The following NPAT variants were observed in gnomAD, a reference collection of about 807,000 sequenced individuals.
The protein encoded by NPAT is nuclear protein, coactivator of histone transcription.
Under a neutral mutation model 130.7 loss-of-function variants are expected in NPAT, and 52 were observed. That is an observed-to-expected ratio of 0.40 (90% CI 0.32 to 0.50). The LOEUF is 0.50. Among genes scored for constraint, NPAT ranks in the 20% least tolerant of loss-of-function variants. The pLI is 0.68. For synonymous variants in NPAT, 580 were observed against 584.8 expected (o/e 0.99, Z 0.12); for missense variants, 1,687 against 1,662.6 (o/e 1.01, Z -0.26).
At chr11:108,188,753 T>G (rs2134861817) in intron 6 of NPAT, among the ~76,000 whole-genome samples, 1 of 152,318 alleles carries the variant, frequency 6.6e-6, no homozygotes, top group South Asian at 2.1e-4. Context: ...AGAAAGGCAT[T>G]CCTCATTCCA....
Position 108,190,541 on chromosome 11 carries a change from T to G in NPAT, c.291-41A>C, listed in dbSNP as rs577082375. ...AAGTAGTTATCCATCAAAAAATGTT[T>G]GTTGCTGACATCCACTATGATTTAG... On this transcript the variant is annotated intron_variant, in intron 4 of 17. Coordinates refer to ENST00000278612, the MANE Select transcript of NPAT (RefSeq NM_002519.3). 183 of 1,566,508 alleles carry G rather than the reference T, an allele frequency of 1.2e-4. 3 individuals carry two copies. The South Asian group carries it at 2.0e-3, about 17-fold the overall frequency.
chr11:108,181,291 C>T (rs61144945), intron 10 of NPAT, among the ~76,000 whole-genome samples: 1,965 of 152,270 alleles, frequency 0.013, 53 homozygotes, highest in African/African-American at 0.044. Context: ...TGGCAAAACC[C>T]TGTCTCTACT....
chr11:108,167,496 A>G (rs1446035681), intron 15 of NPAT, among the ~76,000 whole-genome samples: 2 of 152,200 alleles, frequency 1.3e-5, no homozygotes, highest in African/African-American at 4.8e-5. Flanking sequence ...TATGGGGATG[A>G]GCCACCATGC....
At chr11:108,179,839 T>A (rs1194621792) in intron 10 of NPAT, among the ~76,000 whole-genome samples, 1 of 151,978 alleles carries the variant, frequency 6.6e-6, no homozygotes, top group Non-Finnish European at 1.5e-5. Flanking sequence ...GGGAAAAGCT[T>A]CATGAGGTTA....
intron 1 of NPAT, among the ~76,000 whole-genome samples, chr11:108,208,238 A>G (rs2078348017): frequency 6.6e-6 from 1 of 151,942 alleles, no homozygotes; most frequent in African/African-American, 2.4e-5. Flanking sequence ...GGGATACTCA[A>G]CCTGTCTCAA....
At chr11:108,192,747 A>T (rs2078182604) in intron 3 of NPAT, among the ~76,000 whole-genome samples, 1 of 152,124 alleles carries the variant, frequency 6.6e-6, no homozygotes, top group Non-Finnish European at 1.5e-5. Flanking sequence ...TGAGGTCAGG[A>T]GTTTGAGACC....
rs774948664 is a variant in NPAT, at chr11:108,189,251, C to T, written c.411G>A (p.Leu137=). 1.9e-6 allele frequency: 3 copies of T among 1,614,144 alleles called. No homozygotes were observed. The South Asian group carries it at 3.3e-5, about 18-fold the overall frequency. Residue 137 remains leucine (L), a synonymous_variant, in exon 6 of 18, where the codon TTG becomes TTA. Coordinates refer to ENST00000278612, the MANE Select transcript of NPAT (RefSeq NM_002519.3). ...GTCCTGAAAGGTAAGGTAAAGTGAG[C>T]AACTCTGCACTGGCTGGAGCTGTTT... is the stretch of plus-strand genomic sequence containing the variant. ...ASQTAPASAE[L]LTLPYLSGQF...
chr11:108,185,011 T>C (rs865871470), intron 10 of NPAT, among the ~76,000 whole-genome samples: 2 of 152,248 alleles, frequency 1.3e-5, no homozygotes, highest in African/African-American at 4.8e-5. Context: ...GGATGCAATA[T>C]AGATTCTATT....
At chr11:108,217,602 G>C (rs1398462855) in intron 1 of NPAT, among the ~76,000 whole-genome samples, 1 of 152,098 alleles carries the variant, frequency 6.6e-6, no homozygotes. Context: ...TCATCATTAA[G>C]TATCTGACTA....
chr11:108,173,808 A>G lies in NPAT; in HGVS notation c.1176T>C (p.Asn392=). Residue 392 remains asparagine, a synonymous_variant, in exon 13 of 18, where the codon AAT becomes AAC. Transcript: ENST00000278612. ...GQPAFCTSYQ[N]DDPLNALKNS... ...TCTTCAAAGCATTTAATGGGTCATC[A>G]TTCTGATAGGATGTACAAAAAGCGG... 4 of 1,614,152 alleles carry G rather than the reference A, an allele frequency of 2.5e-6. No homozygotes were observed. Among genetic ancestry groups the G allele is most frequent in the Non-Finnish European group, 3.4e-6 (4 of 1,180,026 alleles).
In NPAT at chr11:108,163,863, G is replaced by A. The variant is rs965971983; in HGVS notation, c.3011-1683C>T. 2.0e-5 allele frequency among the ~76,000 whole-genome samples: 3 copies of A among 152,184 alleles called. No individual in the cohort carries two copies. The East Asian group carries it at 5.8e-4, about 29-fold the overall frequency. On this transcript the variant is annotated intron_variant, in intron 15 of 17. Coordinates refer to ENST00000278612, the MANE Select transcript of NPAT (RefSeq NM_002519.3). ...GATGCATGAGAAAAGACAGTAATTT[G>A]AATGAAGAAATGGAAGATTAAGAGA...
intron 10 of NPAT, among the ~76,000 whole-genome samples, chr11:108,183,529 A>G (rs1023986527): frequency 6.6e-6 from 1 of 152,146 alleles, no homozygotes; most frequent in African/African-American, 2.4e-5. Context: ...GGGTCAGGTG[A>G]GATAGCTCAT....
In NPAT at chr11:108,158,605, C is replaced by A. The variant is rs572461582; in HGVS notation, c.*337G>T. On this transcript the variant is annotated 3_prime_UTR_variant, in exon 18 of 18. Transcript: ENST00000278612. Reference sequence around the variant, plus strand: ...CTCAGAATTAGGGATCATAAGAAGTCAAAAAACACAGTGTAAGAACATTAG... The same window carrying A: ...CTCAGAATTAGGGATCATAAGAAGTAAAAAAACACAGTGTAAGAACATTAG... The A allele has an allele frequency of 1.8e-4, 34 of 186,922 alleles. No individual in the cohort carries two copies. The highest frequency in any genetic ancestry group is 7.4e-4 in the African/African-American group (31 of 41,962). The allele number at this position is 186,922 out of a possible 1,614,324, so 11.6% of individuals were successfully genotyped here.
rs1272385584 is a variant in NPAT at position 108,173,323 on chromosome 11, G to A, written c.1661C>T (p.Ser554Phe). Residue 554 changes from serine to phenylalanine, a missense_variant, in exon 13 of 18, where the codon TCT (serine) becomes TTT (phenylalanine). Physicochemically the swap from Ser to Phe is radical, Grantham distance 155 (BLOSUM62 -2). Coordinates refer to ENST00000278612, the MANE Select transcript of NPAT (RefSeq NM_002519.3). The stretch of plus-strand genomic sequence containing the variant: ...AATTTTAAGTTTTACTGTATCATTA[G>A]AATTTTCACAAAATTGACTTTTTTT... ...PSKKSQFCENSNDTVKLKINF... is the reference protein window; with the variant it reads ...PSKKSQFCENFNDTVKLKINF... 1.2e-6 allele frequency: 2 copies of A among 1,612,472 alleles called. No homozygotes were observed. The highest frequency in any genetic ancestry group is 1.1e-5 in the South Asian group (1 of 91,008).
At chr11:108,197,250 T>A in intron 2 of NPAT, 52 bp downstream of exon 2, 1 of 1,226,750 alleles carries the variant, frequency 8.2e-7, no homozygotes. Flanking sequence ...ATGACTATGT[T>A]TTTAGTCTCT....
Position 108,173,380 on chromosome 11 carries a change from G to A in NPAT, c.1604C>T (p.Ser535Phe). ...ILSGKSSQLL[S>F]QDTSLTGKPS... ...CTTTCCAGTTAATGAAGTATCTTGG[G>A]ATAAAAGTTGAGAACTCTTCCCAGA... Residue 535 changes from serine to phenylalanine, a missense_variant, in exon 13 of 18, where the codon TCC (serine) becomes TTC (phenylalanine). This residue lies in a region of NPAT where 1,379 missense variants were observed against 1,346.6 expected (regional missense o/e 1.02). Coordinates refer to ENST00000278612, the MANE Select transcript of NPAT (RefSeq NM_002519.3). 1 of 1,613,780 alleles carries A rather than the reference G, an allele frequency of 6.2e-7. No individual in the cohort carries two copies. The highest frequency in any genetic ancestry group is 1.3e-5 in the African/African-American group (1 of 75,022).
chr11:108,160,755 T>C (rs1399205159), intron 17 of NPAT, 125 bp downstream of exon 17: 7 of 847,896 alleles, frequency 8.3e-6, no homozygotes, highest in Non-Finnish European at 1.1e-5. Flanking sequence ...ATTTTGTCAA[T>C]GAAAACTAAA....
Position 108,157,233 on chromosome 11 carries a change from T to C in NPAT, c.*1709A>G, listed in dbSNP as rs545538016. 1.5e-4 allele frequency: 23 copies of C among 152,130 alleles called. 1 individual carries two copies. In the South Asian group the frequency reaches 4.8e-3, roughly 32 times the overall value. 9.4% of individuals were successfully genotyped at this position (152,130 alleles called of 1,614,324 possible). A position where few individuals can be genotyped will look rare whatever the true frequency, so the allele number is the denominator to read the frequency against. ...TCTTGAAGAAAGTAAACTTATTTTA[T>C]TTGTATATGAATTTTCAGTGCTTAG... On this transcript the variant is annotated 3_prime_UTR_variant, in exon 18 of 18. Transcript: ENST00000278612.
rs759651917 is a variant in NPAT, at chr11:108,172,962, G to A, written c.2022C>T (p.Leu674=). ...CACAGTTAGCATTTCCACCTAAAGAGAGAAAAATAGTATTCTCTTCTTTTA... is the reference window on the plus strand; with the variant it reads ...CACAGTTAGCATTTCCACCTAAAGAAAGAAAAATAGTATTCTCTTCTTTTA... ...SSVKEENTIF[L]SLGGNANCEK... is the part of the protein sequence containing the mutation. Residue 674 remains leucine (L), a synonymous_variant, in exon 13 of 18, where the codon CTC becomes CTT. Coordinates refer to ENST00000278612, the MANE Select transcript of NPAT (RefSeq NM_002519.3). 6 of 1,614,086 alleles carry A rather than the reference G, an allele frequency of 3.7e-6. No homozygotes were observed. In the East Asian group the frequency reaches 1.1e-4, roughly 30 times the overall value.
Sources: allele counts gnomAD v4.1 joint callset (sites outside exome capture counted in the v4.1 genomes callset), GRCh38; gene constraint gnomAD v4.1.1; regional missense constraint gnomAD v4.1.1; transcripts MANE v1.5; gene names NCBI Gene and HGNC (gene_info 2026-07-23, HGNC 2026-07-21).